RELN: variants seen among roughly 807,000 people sequenced by gnomAD.
The protein encoded by RELN is reelin.
RELN carries 108 observed loss-of-function variants against 427.6 expected under a neutral mutation model. The ratio of observed to expected loss-of-function variants is 0.25; its 90% CI spans 0.22 to 0.30. The LOEUF is 0.30. RELN is among the 10% of genes least tolerant of loss of function. RELN has a pLI of 1.00. For missense variants in RELN, 3,715 were observed against 4,302.8 expected (o/e 0.86, Z 3.82); for synonymous variants, 1,524 against 1,513.4 (o/e 1.01, Z -0.16).
intron 2 of RELN, among the ~76,000 whole-genome samples, chr7:103,873,772 G>C (rs1794409636): frequency 7.4e-6 from 1 of 135,856 alleles, no homozygotes; most frequent in African/African-American, 2.6e-5. Context: ...AATTCTACCA[G>C]AGGTACAAGG....
At chr7:103,611,111 T>C (rs1372707557) in intron 21 of RELN, among the ~76,000 whole-genome samples, 6 of 152,228 alleles carry the variant, frequency 3.9e-5, no homozygotes, top group Non-Finnish European at 8.8e-5. Flanking sequence ...ATCGTAACAC[T>C]GGCATTTGGT....
chr7:103,860,751 A>G, intron 2 of RELN, among the ~76,000 whole-genome samples: 1 of 152,148 alleles, frequency 6.6e-6, no homozygotes, highest in East Asian at 1.9e-4. Flanking sequence ...AAAGAGTTCT[A>G]TGAGAAAAAC....
chr7:103,603,531 C>T lies in RELN; in HGVS notation c.3147-41G>A. On this transcript the variant is annotated intron_variant, in intron 23 of 64. Coordinates refer to ENST00000428762, the MANE Select transcript of RELN (RefSeq NM_005045.4). This position sits in a 1 kb window ranked among gnomAD's most constrained non-coding sequence, Gnocchi z 4.3. The stretch of plus-strand genomic sequence containing the variant: ...GCTGAGTAGGCAGGTTACAGGCCCA[C>T]CTGCCAATGCAATGGCCCTCTGACC... 2.0e-6 allele frequency: 3 copies of T among 1,483,474 alleles called. No homozygotes were observed. The highest frequency in any genetic ancestry group is 2.8e-6 in the Non-Finnish European group (3 of 1,061,394). 91.9% of individuals were successfully genotyped at this position (1,483,474 alleles called of 1,614,324 possible).
intron 2 of RELN, among the ~76,000 whole-genome samples, chr7:103,907,862 T>C (rs998405722): frequency 6.6e-6 from 1 of 152,038 alleles, no homozygotes; most frequent in Non-Finnish European, 1.5e-5. Flanking sequence ...GGTATATGTG[T>C]GCCATGGTGG....
At position 103,603,869 on chromosome 7, in the gene RELN, G is replaced by T. The variant is rs1271927642; in HGVS notation, c.3147-379C>A. On this transcript the variant is annotated intron_variant, in intron 23 of 64. Transcript: ENST00000428762. This position sits in a 1 kb window ranked among gnomAD's most constrained non-coding sequence, Gnocchi z 4.3. ...TCTGCTCAACCAACATATAATTCAG[G>T]CAACATTTTATAGTTCCTCTTTCTG... is the stretch of plus-strand genomic sequence containing the variant. Among the ~76,000 whole-genome samples the T allele has an allele frequency of 1.3e-5, 2 of 152,032 alleles. No homozygotes were observed. Among genetic ancestry groups the T allele is most frequent in the African/African-American group, 4.8e-5 (2 of 41,386 alleles).
At chr7:103,532,269 A>G (rs1258884281) in intron 46 of RELN, among the ~76,000 whole-genome samples, 1 of 152,154 alleles carries the variant, frequency 6.6e-6, no homozygotes, top group Non-Finnish European at 1.5e-5. Flanking sequence ...CAAGGGGGGA[A>G]CAACACACAC....
chr7:103,776,808 G>A (rs1441872510), intron 3 of RELN, among the ~76,000 whole-genome samples, 181 bp from the exon 4 acceptor site: 5 of 152,196 alleles, frequency 3.3e-5, no homozygotes, highest in African/African-American at 9.6e-5. Flanking sequence ...AGGCACCTGG[G>A]TTGAGGACTG....
At chr7:103,957,222 C>A (rs910267174) in intron 1 of RELN, among the ~76,000 whole-genome samples, 1 of 151,900 alleles carries the variant, frequency 6.6e-6, no homozygotes, top group Non-Finnish European at 1.5e-5. Context: ...AAAAAGACGA[C>A]TTTTTCAACT....
At chr7:103,883,276 C>T (rs1430527579) in intron 2 of RELN, among the ~76,000 whole-genome samples, 1 of 152,140 alleles carries the variant, frequency 6.6e-6, no homozygotes, top group African/African-American at 2.4e-5. Flanking sequence ...ATTGATGGAA[C>T]ATATCTCAAA....
intron 3 of RELN, among the ~76,000 whole-genome samples, chr7:103,777,028 C>A (rs1584484844): frequency 1.3e-5 from 2 of 152,008 alleles, no homozygotes; most frequent in East Asian, 3.9e-4. Context: ...TTTCTGAAAT[C>A]AATAGTCACC....
intron 31 of RELN, 108 bp downstream of exon 31, chr7:103,572,076 T>C (rs2117200650): frequency 2.7e-6 from 2 of 728,586 alleles, no homozygotes; most frequent in East Asian, 2.6e-5. Context: ...AGAGAAGGAA[T>C]GATTCAGGGT....
intron 3 of RELN, among the ~76,000 whole-genome samples, chr7:103,817,937 CAAAAAAAAAAAA>C (rs71154371): frequency 5.6e-5 from 2 of 36,016 alleles, no homozygotes; most frequent in Non-Finnish European, 8.8e-5. Context: ...GACTCCATCT[CAAAAAAAAAAAA>C]AAAAAAAAAA....
intron 2 of RELN, among the ~76,000 whole-genome samples, chr7:103,900,988 T>G (rs1584348205): frequency 6.6e-6 from 1 of 151,908 alleles, no homozygotes; most frequent in African/African-American, 2.4e-5. Context: ...TTAAGATAAA[T>G]TTTTGAAAGA....
intron 51 of RELN, 59 bp from the exon 52 acceptor site, chr7:103,503,289 A>G: frequency 2.7e-6 from 4 of 1,492,232 alleles, no homozygotes; most frequent in Non-Finnish European, 3.7e-6. Flanking sequence ...TTCTTCTCCA[A>G]GGACTTGGCA....
intron 57 of RELN, among the ~76,000 whole-genome samples, chr7:103,494,281 C>G (rs1213680456): frequency 6.6e-6 from 1 of 151,778 alleles, no homozygotes; most frequent in Non-Finnish European, 1.5e-5. Context: ...TATTAACTGT[C>G]ATTGTAGTAC....
In RELN at chr7:103,827,055, T is replaced by TA. The variant is rs1349579288; in HGVS notation, c.473+6481dup. Among the ~76,000 whole-genome samples the TA allele has an allele frequency of 2.0e-5, 3 of 150,742 alleles. No individual in the cohort carries two copies. In the East Asian group the frequency reaches 5.8e-4, roughly 29 times the overall value. ...TCAGGATAAAACTAACATTTTTCTC[T>TA]AAAAAATAAAAAAGCAGAGATTAAA... is the stretch of plus-strand genomic sequence containing the variant. On this transcript the variant is annotated intron_variant, in intron 3 of 64. Transcript: ENST00000428762.
chr7:103,666,940 G>GT (rs1229022673), intron 11 of RELN, among the ~76,000 whole-genome samples: 1 of 152,134 alleles, frequency 6.6e-6, no homozygotes, highest in African/African-American at 2.4e-5. Flanking sequence ...AAGATCCTGT[G>GT]TGAGTATTTT....
In RELN at chr7:103,486,344, G is replaced by C. The variant is rs777090806; in HGVS notation, c.9836C>G (p.Thr3279Ser). Reference sequence around the variant, plus strand: ...TTGAATGGTCTCCCAGTTTGCCTCGGTGACTCTTGCGGACTCAAAATTATC... The same window carrying C: ...TTGAATGGTCTCCCAGTTTGCCTCGCTGACTCTTGCGGACTCAAAATTATC... ...IKDNFESARVTEANWETIQGG... is the reference protein window; with the variant it reads ...IKDNFESARVSEANWETIQGG... Residue 3279 changes from threonine (T) to serine (S), a missense_variant, in exon 61 of 65, where the codon ACC becomes AGC. Transcript: ENST00000428762. The C allele has an allele frequency of 1.2e-6, 2 of 1,614,186 alleles. No homozygotes were observed. Among genetic ancestry groups the C allele is most frequent in the South Asian group, 2.2e-5 (2 of 91,078 alleles).
chr7:103,913,649 A>G (rs1795418438), intron 2 of RELN, among the ~76,000 whole-genome samples: 1 of 152,160 alleles, frequency 6.6e-6, no homozygotes, highest in Non-Finnish European at 1.5e-5. Flanking sequence ...TTTAACTTGT[A>G]AAGAATATGT....
Sources: gnomAD v4.1 joint callset for allele counts (sites outside exome capture counted in the v4.1 genomes callset) on GRCh38, gnomAD v4.1.1 for gene constraint, Gnocchi (gnomAD v3.1) non-coding constraint, MANE v1.5 for transcripts, NCBI Gene and HGNC (gene_info 2026-07-23, HGNC 2026-07-21) for gene names.